The following MGST1 variants were observed in gnomAD, a reference collection of about 807,000 sequenced individuals.
MGST1 encodes glutathione S-transferase 12.
A neutral mutation model predicts 8.9 loss-of-function variants in MGST1; 5 were observed. That is an observed-to-expected ratio of 0.56 (90% confidence interval 0.29 to 1.19). The LOEUF is 1.19. Among genes scored for constraint, MGST1 ranks in the 50% most tolerant of loss-of-function variants. The pLI, the probability that MGST1 is intolerant of heterozygous loss-of-function variation, is 0.08. For synonymous variants in MGST1, 54 were observed against 67.8 expected (o/e 0.80, Z 1.00); for missense variants, 182 against 187.4 (o/e 0.97, Z 0.17).
At chr12:16,351,681 G>A (rs1186932790) in intron 1 of MGST1, among the ~76,000 whole-genome samples, 1 of 152,028 alleles carries the variant, frequency 6.6e-6, no homozygotes, top group African/African-American at 2.4e-5. Context: ...GTGGTGGCGG[G>A]CACCTGTAAT....
At chr12:16,402,973 TA>T (rs1383410054) in intron 1 of MGST1, among the ~76,000 whole-genome samples, 8 of 150,380 alleles carry the variant, frequency 5.3e-5, no homozygotes, top group Non-Finnish European at 1.2e-4. Flanking sequence ...TTATTATTAT[TA>T]AATAAATTAT....
At chr12:16,484,496 A>T (rs377508894) in intron 4 of MGST1, among the ~76,000 whole-genome samples, 1 of 152,108 alleles carries the variant, frequency 6.6e-6, no homozygotes, top group South Asian at 2.1e-4. Flanking sequence ...TAGATGGGTA[A>T]TTTATAAAGA....
At chr12:16,558,543 T>G (rs1339736003) in intron 4 of MGST1, among the ~76,000 whole-genome samples, 1 of 152,048 alleles carries the variant, frequency 6.6e-6, no homozygotes, top group Non-Finnish European at 1.5e-5. Flanking sequence ...TGTTTGTATA[T>G]CCTTATCCCT....
chr12:16,401,048 A>T lies in MGST1; in HGVS notation n.778+17444A>T, dbSNP rs1940651095. On this transcript the variant is annotated intron_variant and non_coding_transcript_variant, in intron 1 of 1. Transcript: ENST00000359720. The surrounding 1 kb of genome is among the most constrained non-coding windows in gnomAD (Gnocchi z 4.3). Reference sequence around the variant, plus strand: ...TTCATTCCTGTTCTTTCTGTAAGTAATGCTGCCCGAGAACCTCTTCCCAAA... The same window carrying T: ...TTCATTCCTGTTCTTTCTGTAAGTATTGCTGCCCGAGAACCTCTTCCCAAA... 4 of 1,592,380 alleles carry T rather than the reference A, an allele frequency of 2.5e-6. No individual in the cohort carries two copies. Among genetic ancestry groups the T allele is most frequent in the Non-Finnish European group, 3.4e-6 (4 of 1,160,764 alleles).
At chr12:16,527,147 T>A (rs980643209) in intron 4 of MGST1, among the ~76,000 whole-genome samples, 58 of 151,990 alleles carry the variant, frequency 3.8e-4, no homozygotes, top group African/African-American at 1.4e-3. Context: ...AAATGTCTAG[T>A]GTTATTTGTT....
chr12:16,565,513 C>G (rs1463317856), intron 4 of MGST1, among the ~76,000 whole-genome samples: 1 of 152,070 alleles, frequency 6.6e-6, no homozygotes. Context: ...GCATGTGCTC[C>G]ACTGTCATAG....
rs901579444 is a variant in MGST1, at chr12:16,537,572, G to A, written n.483-51956G>A. Among the ~76,000 whole-genome samples the A allele has an allele frequency of 6.6e-6, 1 of 152,208 alleles. No homozygotes were observed. The highest frequency in any genetic ancestry group is 2.4e-5 in the African/African-American group (1 of 41,456). Reference sequence around the variant, plus strand: ...GGCCCTGCCTCTGCAGCACACTTTTGCCTGGACATTCAGGCATTTCCATAC... The same window carrying A: ...GGCCCTGCCTCTGCAGCACACTTTTACCTGGACATTCAGGCATTTCCATAC... On this transcript the variant is annotated intron_variant and non_coding_transcript_variant, in intron 4 of 4. Coordinates refer to the MGST1 transcript ENST00000538857. The surrounding 1 kb of genome is among the most constrained non-coding windows in gnomAD (Gnocchi z 4.6).
In MGST1 at chr12:16,458,638, T is replaced by C. The variant is rs1443583549; in HGVS notation, n.482+75034T>C. Among the ~76,000 whole-genome samples the C allele has an allele frequency of 2.6e-5, 4 of 152,058 alleles. No individual in the cohort carries two copies. The highest frequency in any genetic ancestry group is 1.3e-4 in the Admixed American group (2 of 15,236). On this transcript the variant is annotated intron_variant and non_coding_transcript_variant, in intron 4 of 4. Transcript: ENST00000538857. This position sits in a 1 kb window ranked among gnomAD's most constrained non-coding sequence, Gnocchi z 4.0. The stretch of plus-strand genomic sequence containing the variant: ...ATAAGCTTGTATGAAAATGAAATTA[T>C]ATATTATAAACATGGAATATCAGTA...
In MGST1 at chr12:16,544,938, A is replaced by G. The variant is rs1192328281; in HGVS notation, n.483-44590A>G. ...CCAACCAAGGTTCATATCGTCAATA[A>G]CACAGATCCTGTAAGTTTAGCAAAC... is the stretch of plus-strand genomic sequence containing the variant. On this transcript the variant is annotated intron_variant and non_coding_transcript_variant, in intron 4 of 4. Coordinates refer to the MGST1 transcript ENST00000538857. This position sits in a 1 kb window ranked among gnomAD's most constrained non-coding sequence, Gnocchi z 4.8. Among the ~76,000 whole-genome samples, 1 of 152,088 alleles carries G rather than the reference A, an allele frequency of 6.6e-6. No homozygotes were observed. The highest frequency in any genetic ancestry group is 2.4e-5 in the African/African-American group (1 of 41,444).
chr12:16,566,012 ATATATATATATATATATATATATATAT>A (rs1355472580), intron 4 of MGST1, among the ~76,000 whole-genome samples: 19 of 78,520 alleles, frequency 2.4e-4, no homozygotes, highest in Admixed American at 3.8e-4. Context: ...ATATATATAT[ATATATATATATATATATATATATATAT>A]AAAATGGAGT....
At chr12:16,556,810 C>T (rs776613593) in intron 4 of MGST1, among the ~76,000 whole-genome samples, 4 of 152,004 alleles carry the variant, frequency 2.6e-5, no homozygotes, top group South Asian at 4.2e-4. Context: ...GCTGACTTCC[C>T]GCATTAGTTT....
At position 16,363,984 on chromosome 12, in the gene MGST1, A is replaced by T; in HGVS notation, c.411A>T (p.Gly137=). ...ATAGAGCTTTGAGTTTTTTTGTTGG[A>T]TATGGAGTTACTCTTTCCATGGCTT... ...QPNRALSFFV[G]YGVTLSMAYR... The change falls in exon 4 of 4, where the codon GGA becomes GGT. Residue 137 remains glycine, a synonymous_variant. Coordinates refer to ENST00000396210, the MANE Select transcript of MGST1 (RefSeq NM_020300.5). The surrounding 1 kb of genome is among the most constrained non-coding windows in gnomAD (Gnocchi z 4.6). 6.2e-7 allele frequency: 1 copy of T among 1,613,896 alleles called. No homozygotes were observed. Among genetic ancestry groups the T allele is most frequent in the Non-Finnish European group, 8.5e-7 (1 of 1,179,852 alleles).
At chr12:16,488,952 T>G (rs1039129294) in intron 4 of MGST1, among the ~76,000 whole-genome samples, 1 of 151,828 alleles carries the variant, frequency 6.6e-6, no homozygotes, top group Non-Finnish European at 1.5e-5. Flanking sequence ...GTACAAAACT[T>G]TTTAAAAATA....
At chr12:16,565,911 C>CTATT (rs1942580425) in intron 4 of MGST1, among the ~76,000 whole-genome samples, 2 of 144,174 alleles carry the variant, frequency 1.4e-5, no homozygotes, top group Non-Finnish European at 3.0e-5. Flanking sequence ...TATTACAGCA[C>CTATT]TATTTACAAT....
At chr12:16,491,459 T>G (rs572509423) in intron 4 of MGST1, among the ~76,000 whole-genome samples, 1 of 152,332 alleles carries the variant, frequency 6.6e-6, no homozygotes, top group African/African-American at 2.4e-5. Flanking sequence ...CTTCTGCTTC[T>G]GCTGCCAGTT....
At chr12:16,522,546 C>A (rs1941654951) in intron 4 of MGST1, among the ~76,000 whole-genome samples, 1 of 151,920 alleles carries the variant, frequency 6.6e-6, no homozygotes, top group Admixed American at 6.6e-5. Context: ...TACTTGCCAT[C>A]ATTATTATCC....
chr12:16,570,469 A>G (rs1014874375), intron 4 of MGST1, among the ~76,000 whole-genome samples: 1 of 151,848 alleles, frequency 6.6e-6, no homozygotes, highest in Non-Finnish European at 1.5e-5. Context: ...AAAGAAAAAT[A>G]AAGAAAATGA....
intron 4 of MGST1, among the ~76,000 whole-genome samples, chr12:16,535,834 A>G (rs1458155863): frequency 3.3e-5 from 5 of 152,204 alleles, no homozygotes; most frequent in Non-Finnish European, 7.3e-5. Context: ...CTTTGAGGAA[A>G]GGTCAAAGAT....
intron 2 of MGST1, 68 bp from the exon 3 acceptor site, chr12:16,357,537 A>G: frequency 8.2e-7 from 1 of 1,212,702 alleles, no homozygotes; most frequent in Admixed American, 2.0e-5. Flanking sequence ...AAGCGCTGGA[A>G]TTACAGGTGT....
Sources: allele counts gnomAD v4.1 joint callset (sites outside exome capture counted in the v4.1 genomes callset), GRCh38; gene constraint gnomAD v4.1.1; non-coding constraint Gnocchi (gnomAD v3.1); transcripts MANE v1.5; gene names NCBI Gene and HGNC (gene_info 2026-07-23, HGNC 2026-07-21).